Variants in XRRA1 observed in about 807,000 individuals in gnomAD.
XRRA1 encodes X-ray radiation resistance-associated protein 1.
Under a neutral mutation model 80.2 loss-of-function variants are expected in XRRA1, and 69 were observed. The observed-to-expected ratio is 0.86, with a 90% confidence interval of 0.71 to 1.05. XRRA1 has a LOEUF of 1.05. XRRA1 is among the 50% of genes least tolerant of loss of function. The pLI is 0.00. For synonymous variants in XRRA1, 348 were observed against 389.9 expected (o/e 0.89, Z 1.27); for missense variants, 967 against 976.4 (o/e 0.99, Z 0.13).
intron 14 of XRRA1, 112 bp downstream of exon 14, chr11:74,850,976 G>A (rs2039678447): frequency 1.5e-6 from 1 of 670,442 alleles, no homozygotes; most frequent in Non-Finnish European, 2.5e-6. Flanking sequence ...TGAACCTAAT[G>A]GAGAGATTCC....
chr11:74,908,401 A>G (rs75750985), intron 8 of XRRA1, among the ~76,000 whole-genome samples: 1,765 of 152,170 alleles, frequency 0.012, 47 homozygotes, highest in African/African-American at 0.04. Context: ...TACTAGCCCC[A>G]TGTGGATTAA....
chr11:74,941,523 G>A (rs542385573), intron 2 of XRRA1, among the ~76,000 whole-genome samples: 1 of 152,296 alleles, frequency 6.6e-6, no homozygotes, highest in South Asian at 2.1e-4. Flanking sequence ...AGGGATGTAT[G>A]TTTAGTAGTC....
chr11:74,861,137 G>T (rs1190801253), intron 11 of XRRA1, among the ~76,000 whole-genome samples: 1 of 152,208 alleles, frequency 6.6e-6, no homozygotes, highest in African/African-American at 2.4e-5. Context: ...CCACAGGGAG[G>T]GGGCATGAAA....
At chr11:74,935,469 A>G (rs1250863694) in intron 4 of XRRA1, among the ~76,000 whole-genome samples, 1 of 152,234 alleles carries the variant, frequency 6.6e-6, no homozygotes, top group African/African-American at 2.4e-5. Flanking sequence ...AATTAGTCCA[A>G]TAAGAGATGA....
At chr11:74,843,720 C>T (rs2037097687) in intron 18 of XRRA1, 134 bp downstream of exon 18, 2 of 867,398 alleles carry the variant, frequency 2.3e-6, no homozygotes, top group African/African-American at 1.7e-5. Context: ...TCCTTTTGTC[C>T]ATCTACATGT....
chr11:74,883,687 C>A (rs376294108), intron 10 of XRRA1, among the ~76,000 whole-genome samples: 1 of 152,158 alleles, frequency 6.6e-6, no homozygotes, highest in Admixed American at 6.5e-5. Context: ...TAGATCAACT[C>A]CAGAAGGAGC....
At chr11:74,850,436 G>A (rs920780245) in intron 14 of XRRA1, among the ~76,000 whole-genome samples, 1 of 152,190 alleles carries the variant, frequency 6.6e-6, no homozygotes, top group African/African-American at 2.4e-5. Flanking sequence ...ACAAGAGCCT[G>A]GCTGGACAGA....
chr11:74,851,044 C>T, intron 14 of XRRA1, 44 bp downstream of exon 14: 1 of 1,514,668 alleles, frequency 6.6e-7, no homozygotes, highest in Non-Finnish European at 9.0e-7. Context: ...TTATAATAGG[C>T]TGCACTCTTC....
chr11:74,923,877 G>A (rs1252243610), intron 7 of XRRA1, among the ~76,000 whole-genome samples: 2 of 152,126 alleles, frequency 1.3e-5, no homozygotes, highest in Non-Finnish European at 2.9e-5. Flanking sequence ...GTCTCATTCT[G>A]TTACCCATTG....
intron 4 of XRRA1, 48 bp downstream of exon 4, chr11:74,936,836 C>G (rs771380494): frequency 6.4e-7 from 1 of 1,563,324 alleles, no homozygotes; most frequent in South Asian, 1.2e-5. Flanking sequence ...CCACTTCCTC[C>G]CCACCCTAGC....
chr11:74,903,698 G>A (rs940759587), intron 10 of XRRA1, among the ~76,000 whole-genome samples: 9 of 151,900 alleles, frequency 5.9e-5, no homozygotes, highest in Non-Finnish European at 7.4e-5. Context: ...GTGAGACTCC[G>A]TCTCAAAAAA....
intron 10 of XRRA1, among the ~76,000 whole-genome samples, chr11:74,874,259 AAAAG>A (rs1195023668): frequency 6.0e-5 from 9 of 150,426 alleles, no homozygotes; most frequent in African/African-American, 2.0e-4. Flanking sequence ...AAAAAAAAAA[AAAAG>A]AAAGAAACTC....
chr11:74,845,203 T>G lies in XRRA1; in HGVS notation c.1797A>C (p.Lys599Asn), dbSNP rs768695540. ...DLELKEKDQKKPPTAPREVKG... is the reference protein window; with the variant it reads ...DLELKEKDQKNPPTAPREVKG... ...TCACCTCTCTGGGTGCCGTTGGTGGTTTCTTTTGGTCTTTCTCCTTTAACT... is the reference window on the plus strand; with the variant it reads ...TCACCTCTCTGGGTGCCGTTGGTGGGTTCTTTTGGTCTTTCTCCTTTAACT... Residue 599 changes from lysine (K) to asparagine (N), a missense_variant, in exon 16 of 19, where the codon AAA becomes AAC. Transcript: ENST00000684022. 3 of 1,614,062 alleles carry G rather than the reference T, an allele frequency of 1.9e-6. No homozygotes were observed. The highest frequency in any genetic ancestry group is 1.1e-5 in the South Asian group (1 of 91,088).
Position 74,864,413 on chromosome 11 carries a change from C to T in XRRA1, c.1004-1392G>A, listed in dbSNP as rs374441416. On this transcript the variant is annotated intron_variant, in intron 10 of 18. Coordinates refer to ENST00000684022, the MANE Select transcript of XRRA1 (RefSeq NM_001378157.1). ...TCCCCTCACAACCACAAAAATTCCA[C>T]ACCCGCCCACAGTCAAAAGTCTCTC... is the stretch of plus-strand genomic sequence containing the variant. Among the ~76,000 whole-genome samples, 51 of 152,330 alleles carry T rather than the reference C, an allele frequency of 3.3e-4. 3 individuals are homozygous for T. The South Asian group carries it at 0.01, about 30-fold the overall frequency.
chr11:74,867,917 C>CTTTTTTTT lies in XRRA1; in HGVS notation c.1004-4904_1004-4897dup, dbSNP rs60520990. 3.2e-4 allele frequency among the ~76,000 whole-genome samples: 34 copies of CTTTTTTTT among 106,738 alleles called. 1 individual carries two copies. Among genetic ancestry groups the CTTTTTTTT allele is most frequent in the Non-Finnish European group, 4.4e-4 (25 of 56,318 alleles). The allele number at this position is 106,738 out of a possible 152,430, so 70.0% of individuals were successfully genotyped here. The stretch of plus-strand genomic sequence containing the variant: ...AGGAGAATGGGGGCCTATAGTCAAT[C>CTTTTTTTT]TTTTTTTTTTTTTTTTTTTCTGAGA... On this transcript the variant is annotated intron_variant, in intron 10 of 18. Coordinates refer to ENST00000684022, the MANE Select transcript of XRRA1 (RefSeq NM_001378157.1).
chr11:74,918,554 G>T (rs1939603583), intron 8 of XRRA1, among the ~76,000 whole-genome samples: 1 of 152,192 alleles, frequency 6.6e-6, no homozygotes, highest in African/African-American at 2.4e-5. Context: ...AGTTGCTATT[G>T]TTGTATGGAA....
chr11:74,859,418 G>T, intron 11 of XRRA1, 135 bp from the exon 12 acceptor site: 1 of 962,614 alleles, frequency 1.0e-6, no homozygotes, highest in Non-Finnish European at 1.5e-6. Context: ...AGACATGTAG[G>T]GTCATAAGGG....
At chr11:74,901,464 A>G (rs928450683) in intron 10 of XRRA1, among the ~76,000 whole-genome samples, 4 of 152,208 alleles carry the variant, frequency 2.6e-5, no homozygotes, top group African/African-American at 9.6e-5. Context: ...TGGAACCACA[A>G]AAGACCCAGA....
chr11:74,860,927 G>C (rs1362362285), intron 11 of XRRA1, among the ~76,000 whole-genome samples: 1 of 152,214 alleles, frequency 6.6e-6, no homozygotes, highest in Non-Finnish European at 1.5e-5. Flanking sequence ...ATGGAGGCTG[G>C]CCATGCCAGA....
Sources: allele counts gnomAD v4.1 joint callset (sites outside exome capture counted in the v4.1 genomes callset), GRCh38; gene constraint gnomAD v4.1.1; transcripts MANE v1.5; gene names NCBI Gene and HGNC (gene_info 2026-07-23, HGNC 2026-07-21).